Variants in MAML3 observed in about 807,000 individuals in gnomAD.
MAML3 encodes the protein mastermind like transcriptional coactivator 3, also known as mastermind-like protein 3.
Under a neutral mutation model 101.9 loss-of-function variants are expected in MAML3, and 27 were observed. The observed-to-expected ratio is 0.27, with a 90% CI of 0.20 to 0.37. The LOEUF is 0.37. MAML3 is among the 10% of genes least tolerant of loss of function. The pLI, the probability that MAML3 is intolerant of heterozygous loss-of-function variation, is 1.00. For missense variants in MAML3, 1,316 were observed against 1,444.9 expected, an observed-to-expected ratio of 0.91 and a Z score of 1.45; for synonymous variants, 501 against 555.9, an observed-to-expected ratio of 0.90 and a Z score of 1.39.
chr4:139,843,495 C>T (rs184906368), intron 2 of MAML3, among the ~76,000 whole-genome samples: 1 of 152,266 alleles, frequency 6.6e-6, no homozygotes, highest in African/African-American at 2.4e-5. Flanking sequence ...GTCTTAATTA[C>T]CCATGTTTAA....
At chr4:140,104,854 A>AT (rs35639523) in intron 1 of MAML3, among the ~76,000 whole-genome samples, 3 of 151,764 alleles carry the variant, frequency 2.0e-5, no homozygotes, top group East Asian at 1.9e-4. Context: ...TAAAACTTTA[A>AT]TTTTTTTTAA....
intron 1 of MAML3, among the ~76,000 whole-genome samples, chr4:140,126,407 C>T (rs186435035): frequency 1.3e-5 from 2 of 152,246 alleles, no homozygotes; most frequent in Admixed American, 1.3e-4. Flanking sequence ...TTCCAGTTGC[C>T]AAATCCCAGG....
At chr4:140,088,961 A>G (rs1440375614) in intron 1 of MAML3, among the ~76,000 whole-genome samples, 1 of 152,238 alleles carries the variant, frequency 6.6e-6, no homozygotes, top group Admixed American at 6.5e-5. Flanking sequence ...TCTTTATTGA[A>G]TCCACTGGTT....
At chr4:139,892,991 C>T (rs1732534828) in intron 1 of MAML3, among the ~76,000 whole-genome samples, 1 of 151,700 alleles carries the variant, frequency 6.6e-6, no homozygotes. Flanking sequence ...GGCTCCTGCT[C>T]ATCTTTCCAG....
intron 2 of MAML3, among the ~76,000 whole-genome samples, chr4:139,781,531 A>AT (rs1578598228): frequency 6.7e-6 from 1 of 149,134 alleles, no homozygotes; most frequent in African/African-American, 2.5e-5. Flanking sequence ...ATATATATAT[A>AT]GTCTGTACAG....
At chr4:139,858,672 G>A (rs916756688) in intron 2 of MAML3, among the ~76,000 whole-genome samples, 5 of 152,080 alleles carry the variant, frequency 3.3e-5, no homozygotes, top group East Asian at 3.9e-4. Flanking sequence ...TTGAGAGGGC[G>A]GCACTGCCTG....
At chr4:140,054,279 G>C (rs1727315752) in intron 1 of MAML3, among the ~76,000 whole-genome samples, 1 of 148,532 alleles carries the variant, frequency 6.7e-6, no homozygotes, top group African/African-American at 2.5e-5. Flanking sequence ...TGAGGCAGGA[G>C]AATCACTGGA....
intron 1 of MAML3, among the ~76,000 whole-genome samples, chr4:140,000,547 C>T (rs770038655): frequency 3.3e-5 from 5 of 152,132 alleles, no homozygotes; most frequent in Non-Finnish European, 5.9e-5. Flanking sequence ...TCACCACAGC[C>T]CAGTCTCCCT....
At chr4:139,871,985 C>T (rs1400908176) in intron 2 of MAML3, among the ~76,000 whole-genome samples, 4 of 152,088 alleles carry the variant, frequency 2.6e-5, no homozygotes, top group Non-Finnish European at 4.4e-5. Flanking sequence ...TGAAATTTCA[C>T]CAGATTGGGT....
chr4:140,106,688 T>C (rs1434750651), intron 1 of MAML3, among the ~76,000 whole-genome samples: 1 of 152,262 alleles, frequency 6.6e-6, no homozygotes, highest in East Asian at 1.9e-4. Flanking sequence ...GTTTACCTTT[T>C]TTCTTAATCA....
At chr4:140,075,456 T>C (rs1192252076) in intron 1 of MAML3, among the ~76,000 whole-genome samples, 2 of 152,228 alleles carry the variant, frequency 1.3e-5, no homozygotes, top group African/African-American at 4.8e-5. Flanking sequence ...ATTTTCCTCA[T>C]AGAGCGTTAT....
chr4:139,863,832 G>GTTTTTT (rs58270046), intron 2 of MAML3, among the ~76,000 whole-genome samples: 40 of 111,276 alleles, frequency 3.6e-4, no homozygotes, highest in African/African-American at 1.0e-3. Flanking sequence ...CAGAACATGG[G>GTTTTTT]TTTTTTTTTT....
chr4:140,132,805 G>T (rs1417344762), intron 1 of MAML3, among the ~76,000 whole-genome samples: 1 of 152,096 alleles, frequency 6.6e-6, no homozygotes, highest in Non-Finnish European at 1.5e-5. Context: ...TTCTTGTATT[G>T]TTCTTGCTTT....
chr4:139,742,150 T>TTTTC (rs1491146933), intron 2 of MAML3, among the ~76,000 whole-genome samples: 3 of 1,000 alleles, frequency 3.0e-3, no homozygotes, highest in Admixed American at 0.016. Flanking sequence ...TTTTCTTTTC[T>TTTTC]TTTTTTTTTT....
chr4:139,753,388 T>TATCTATC (rs1560783664), intron 2 of MAML3, among the ~76,000 whole-genome samples: 3 of 113,224 alleles, frequency 2.6e-5, no homozygotes, highest in African/African-American at 9.9e-5. Flanking sequence ...ATCTATCTAT[T>TATCTATC]TTTTGTTAGG....
At chr4:139,953,557 T>C (rs1337863867) in intron 1 of MAML3, among the ~76,000 whole-genome samples, 1 of 152,090 alleles carries the variant, frequency 6.6e-6, no homozygotes, top group East Asian at 1.9e-4. Context: ...CCTGGGAGGC[T>C]ACAGTGAGCT....
chr4:140,122,421 C>A (rs1728621365), intron 1 of MAML3, among the ~76,000 whole-genome samples: 2 of 152,064 alleles, frequency 1.3e-5, no homozygotes, highest in Admixed American at 1.3e-4. Flanking sequence ...AGGGTTTCAC[C>A]ATGTTGGCCA....
chr4:140,143,854 A>C (rs1321344582), intron 1 of MAML3, among the ~76,000 whole-genome samples: 1 of 152,216 alleles, frequency 6.6e-6, no homozygotes, highest in Non-Finnish European at 1.5e-5. Context: ...GCCAGCTAGG[A>C]TGGCGCTGCC....
rs570700966 is a variant in MAML3, at chr4:140,091,537, C to CAAAAA, written c.468+61318_468+61322dup. Reference sequence around the variant, plus strand: ...TGTAAAACAAAACAAAACAACAAAACAAAAACAAAACAAAAAAAAAAAACA... The same window carrying CAAAAA: ...TGTAAAACAAAACAAAACAACAAAACAAAAAAAAAACAAAACAAAAAAAAAAAACA... On this transcript the variant is annotated intron_variant, in intron 1 of 4. Coordinates refer to ENST00000509479, the MANE Select transcript of MAML3 (RefSeq NM_018717.5). Among the ~76,000 whole-genome samples the CAAAAA allele has an allele frequency of 2.8e-3, 200 of 71,330 alleles. 5 individuals carry two copies. Among genetic ancestry groups the CAAAAA allele is most frequent in the Middle Eastern group, 9.6e-3 (1 of 104 alleles). 46.8% of individuals were successfully genotyped at this position (71,330 alleles called of 152,430 possible).
Sources: allele counts gnomAD v4.1 joint callset (sites outside exome capture counted in the v4.1 genomes callset), GRCh38; gene constraint gnomAD v4.1.1; transcripts MANE v1.5; gene names NCBI Gene and HGNC (gene_info 2026-07-23, HGNC 2026-07-21).